The following HYAL4 variants were observed in gnomAD, a reference collection of about 807,000 sequenced individuals.
HYAL4 encodes the protein hyaluronidase 4.
In HYAL4, 37 loss-of-function variants were observed where a neutral mutation model predicts 35.2. The observed-to-expected ratio is 1.05, with a 90% CI of 0.81 to 1.38. The LOEUF (loss-of-function observed/expected upper bound fraction) is 1.38, where lower values mean the gene tolerates loss of function less well. HYAL4 is among the 40% of genes most tolerant of loss of function. HYAL4 has a pLI of 0.00. For missense variants in HYAL4, 572 were observed against 572.4 expected, an observed-to-expected ratio of 1.00 and a Z score of 0.01; for synonymous variants, 198 against 203.2, an observed-to-expected ratio of 0.97 and a Z score of 0.22.
chr7:123,874,489 C>T (rs576330141), intron 3 of HYAL4, among the ~76,000 whole-genome samples: 5 of 152,086 alleles, frequency 3.3e-5, no homozygotes, highest in African/African-American at 4.8e-5. Context: ...CTGCAACCTC[C>T]GTCTCCTGGG....
intron 2 of HYAL4, among the ~76,000 whole-genome samples, chr7:123,856,943 ATTCCACCCAT>A (rs1485805379): frequency 4.6e-5 from 7 of 152,104 alleles, no homozygotes; most frequent in Non-Finnish European, 8.8e-5. Flanking sequence ...GCTGTGGTGG[ATTCCACCCAT>A]TTCGAACTTC....
At chr7:123,870,861 C>CTTTTCTATA (rs1160254042) in intron 3 of HYAL4, among the ~76,000 whole-genome samples, 1 of 151,878 alleles carries the variant, frequency 6.6e-6, no homozygotes, top group Non-Finnish European at 1.5e-5. Context: ...TGTAAGACGT[C>CTTTTCTATA]TTTTCTATAT....
chr7:123,820,697 G>A, the HYAL4 span, among the ~76,000 whole-genome samples: 1 of 152,028 alleles, frequency 6.6e-6, no homozygotes, highest in African/African-American at 2.4e-5. Flanking sequence ...ACACTATGTT[G>A]TACAGGAGAT....
At chr7:123,790,033 G>A in the HYAL4 span, among the ~76,000 whole-genome samples, 1 of 152,166 alleles carries the variant, frequency 6.6e-6, no homozygotes, top group Non-Finnish European at 1.5e-5. Context: ...TTATCTCACA[G>A]TCTTGAGTCT....
intron 1 of HYAL4, among the ~76,000 whole-genome samples, chr7:123,846,332 T>C (rs932425140): frequency 6.6e-6 from 1 of 151,954 alleles, no homozygotes; most frequent in Non-Finnish European, 1.5e-5. Flanking sequence ...GCTGCTGTGG[T>C]GGATGGGGGT....
intron 2 of HYAL4, among the ~76,000 whole-genome samples, chr7:123,862,843 C>T (rs577943076): frequency 6.6e-6 from 1 of 152,214 alleles, no homozygotes; most frequent in African/African-American, 2.4e-5. Flanking sequence ...TGTCATTCTT[C>T]TTTCAAAGCC....
chr7:123,860,271 T>G (rs1176575791), intron 2 of HYAL4, among the ~76,000 whole-genome samples: 9 of 152,200 alleles, frequency 5.9e-5, no homozygotes, highest in South Asian at 4.1e-4. Flanking sequence ...CTTTCCTTTA[T>G]AAATTACCCA....
intron 3 of HYAL4, among the ~76,000 whole-genome samples, chr7:123,871,139 A>G (rs1466010442): frequency 6.6e-6 from 1 of 151,804 alleles, no homozygotes; most frequent in African/African-American, 2.4e-5. Flanking sequence ...CAAGTGTTTT[A>G]AACTATAAGT....
the HYAL4 span, among the ~76,000 whole-genome samples, chr7:123,818,537 A>G: frequency 6.6e-6 from 1 of 152,186 alleles, no homozygotes; most frequent in Non-Finnish European, 1.5e-5. Flanking sequence ...CTACTAATAT[A>G]AAAATTATTA....
chr7:123,873,287 G>A (rs903743335), intron 3 of HYAL4, among the ~76,000 whole-genome samples: 1 of 151,740 alleles, frequency 6.6e-6, no homozygotes, highest in African/African-American at 2.4e-5. Flanking sequence ...TGTCAGCTAT[G>A]ACCTGTTCAA....
chr7:123,854,066 G>T (rs943724706), intron 2 of HYAL4, among the ~76,000 whole-genome samples: 1 of 152,046 alleles, frequency 6.6e-6, no homozygotes, highest in African/African-American at 2.4e-5. Flanking sequence ...TGGGATCAGT[G>T]GTGATACTCC....
intron 2 of HYAL4, among the ~76,000 whole-genome samples, chr7:123,860,610 G>A (rs776821382): frequency 1.5e-4 from 23 of 152,148 alleles, no homozygotes; most frequent in Non-Finnish European, 3.1e-4. Context: ...CACTGTATAC[G>A]AGGCCATGTC....
chr7:123,848,992 A>G (rs1386367144), intron 2 of HYAL4, among the ~76,000 whole-genome samples: 4 of 152,218 alleles, frequency 2.6e-5, no homozygotes, highest in Admixed American at 6.5e-5. Flanking sequence ...ATAAATAAAC[A>G]TATACATATA....
rs539031241 is a variant in HYAL4 at position 123,838,370 on chromosome 7, A to G, written c.-256-5875A>G. 3.9e-5 allele frequency among the ~76,000 whole-genome samples: 6 copies of G among 152,058 alleles called. No individual in the cohort carries two copies. In the South Asian group the frequency reaches 1.2e-3, roughly 32 times the overall value. On this transcript the variant is annotated intron_variant, in intron 1 of 4. Coordinates refer to the HYAL4 transcript ENST00000489978. ...TGCTGAAATATTGCAATGAAAAACT[A>G]CTATTACATAATTAATCATGCTACG...
intron 2 of HYAL4, among the ~76,000 whole-genome samples, chr7:123,866,789 CTTTTT>C (rs1009764748): frequency 7.5e-6 from 1 of 134,186 alleles, no homozygotes. Context: ...CTTTCTCTCT[CTTTTT>C]TTTTTTTTTT....
chr7:123,781,797 T>C, the HYAL4 span, among the ~76,000 whole-genome samples: 29 of 152,372 alleles, frequency 1.9e-4, no homozygotes, highest in Non-Finnish European at 2.5e-4. Flanking sequence ...TACCTGTTAT[T>C]AAACAAAGTT....
the HYAL4 span, among the ~76,000 whole-genome samples, chr7:123,779,433 AT>A: frequency 6.6e-6 from 1 of 152,142 alleles, no homozygotes; most frequent in Non-Finnish European, 1.5e-5. Context: ...AAGGCCTGAT[AT>A]TTTCCATAGA....
chr7:123,793,721 A>G, the HYAL4 span, among the ~76,000 whole-genome samples: 1,636 of 152,248 alleles, frequency 0.011, 12 homozygotes, highest in Middle Eastern at 0.031. Context: ...TGAACTGTGA[A>G]TCAATTAAAT....
chr7:123,815,399 G>A, the HYAL4 span, among the ~76,000 whole-genome samples: 1 of 152,192 alleles, frequency 6.6e-6, no homozygotes, highest in African/African-American at 2.4e-5. Flanking sequence ...AATCAAAAAC[G>A]TGCAACATAG....
Sources: gnomAD v4.1 joint callset for allele counts (sites outside exome capture counted in the v4.1 genomes callset) on GRCh38, gnomAD v4.1.1 for gene constraint, MANE v1.5 for transcripts, NCBI Gene and HGNC (gene_info 2026-07-23, HGNC 2026-07-21) for gene names.